Variants in HHAT observed in about 807,000 individuals in gnomAD.
The protein encoded by HHAT is protein-cysteine N-palmitoyltransferase HHAT.
A neutral mutation model predicts 70.8 loss-of-function variants in HHAT; 47 were observed. The observed-to-expected ratio is 0.66, with a 90% confidence interval of 0.53 to 0.85. The LOEUF is 0.85. HHAT is among the 40% of genes least tolerant of loss of function. HHAT has a pLI of 0.00. For missense variants in HHAT, 609 were observed against 604.8 expected, an observed-to-expected ratio of 1.01 and a Z score of -0.07; for synonymous variants, 228 against 247.6, an observed-to-expected ratio of 0.92 and a Z score of 0.74.
At chr1:210,538,440 T>C (rs1479022244) in intron 9 of HHAT, among the ~76,000 whole-genome samples, 1 of 151,932 alleles carries the variant, frequency 6.6e-6, no homozygotes, top group African/African-American at 2.4e-5. Context: ...GTGGCATATA[T>C]GAAATAAGAG....
At chr1:210,461,419 C>T (rs2093976788) in intron 7 of HHAT, among the ~76,000 whole-genome samples, 1 of 152,204 alleles carries the variant, frequency 6.6e-6, no homozygotes, top group Non-Finnish European at 1.5e-5. Flanking sequence ...CTGCCTCAGC[C>T]TCCTGAGTAG....
chr1:210,346,933 T>C (rs561436214), intron 1 of HHAT, among the ~76,000 whole-genome samples: 1 of 152,344 alleles, frequency 6.6e-6, no homozygotes, highest in Admixed American at 6.5e-5. Context: ...ATTGTACATA[T>C]TTATGGTGTA....
At chr1:210,463,781 G>C (rs1474071462) in intron 7 of HHAT, among the ~76,000 whole-genome samples, 1 of 152,190 alleles carries the variant, frequency 6.6e-6, no homozygotes, top group African/African-American at 2.4e-5. Context: ...GCTGTGCCTG[G>C]TGGTTCCAGT....
chr1:210,360,846 C>CTTTTTTTTTTTTTTTTTTTT (rs3036585), intron 2 of HHAT, among the ~76,000 whole-genome samples: 1 of 124,302 alleles, frequency 8.0e-6, no homozygotes, highest in African/African-American at 3.3e-5. Flanking sequence ...ATTAACTTCA[C>CTTTTTTTTTTTTTTTTTTTT]TTTTTTTTTT....
At chr1:210,549,671 C>A (rs914237697) in intron 9 of HHAT, among the ~76,000 whole-genome samples, 2 of 147,670 alleles carry the variant, frequency 1.4e-5, no homozygotes, top group African/African-American at 5.0e-5. Flanking sequence ...AATAATACAT[C>A]TCTGTTTACC....
intron 8 of HHAT, among the ~76,000 whole-genome samples, chr1:210,501,371 C>G (rs12057236): frequency 0.11 from 16,177 of 152,290 alleles, 976 homozygotes; most frequent in Non-Finnish European, 0.13. Flanking sequence ...GCAGCTTTGC[C>G]CTGCTTCATC....
At position 210,547,036 on chromosome 1, in the gene HHAT, A is replaced by T. The variant is rs76212424; in HGVS notation, c.1043+33848A>T. Among the ~76,000 whole-genome samples, 45 of 152,212 alleles carry T rather than the reference A, an allele frequency of 3.0e-4. No individual in the cohort carries two copies. The East Asian group carries it at 8.5e-3, about 29-fold the overall frequency. ...GATGGGCTGAAATGGAATAGAGAGA[A>T]TTAACAGGTTAGGCCGGGCATGGTG... On this transcript the variant is annotated intron_variant, in intron 9 of 11. Transcript: ENST00000261458.
intron 10 of HHAT, among the ~76,000 whole-genome samples, chr1:210,609,760 G>A (rs1333836594): frequency 1.3e-5 from 2 of 152,152 alleles, no homozygotes; most frequent in Non-Finnish European, 2.9e-5. Flanking sequence ...AGAACATGCG[G>A]TGCTTGGTTT....
chr1:210,327,598 C>T (rs954416068), upstream of HHAT, among the ~76,000 whole-genome samples: 11 of 152,028 alleles, frequency 7.2e-5, no homozygotes, highest in Admixed American at 1.3e-4. Flanking sequence ...CTCTGCCGCC[C>T]GGGTTCAAGC....
At chr1:210,518,762 C>G (rs2095103536) in intron 9 of HHAT, among the ~76,000 whole-genome samples, 1 of 152,180 alleles carries the variant, frequency 6.6e-6, no homozygotes, top group Non-Finnish European at 1.5e-5. Flanking sequence ...TACTGCACTC[C>G]AGCCCTGGGT....
At chr1:210,581,928 A>G (rs1187458551) in intron 9 of HHAT, among the ~76,000 whole-genome samples, 1 of 152,218 alleles carries the variant, frequency 6.6e-6, no homozygotes, top group African/African-American at 2.4e-5. Context: ...ATACACACGC[A>G]TACACATACA....
chr1:210,625,861 C>T (rs1669731167), intron 11 of HHAT, among the ~76,000 whole-genome samples: 1 of 152,208 alleles, frequency 6.6e-6, no homozygotes, highest in Non-Finnish European at 1.5e-5. Context: ...GCACCAGGTG[C>T]TCAAACATGT....
intron 9 of HHAT, among the ~76,000 whole-genome samples, chr1:210,516,568 A>G (rs1227463567): frequency 6.6e-6 from 1 of 152,176 alleles, no homozygotes; most frequent in Non-Finnish European, 1.5e-5. Flanking sequence ...TTCTCACTCT[A>G]TAATGGACAA....
At chr1:210,581,624 C>G (rs1159968933) in intron 9 of HHAT, among the ~76,000 whole-genome samples, 1 of 152,178 alleles carries the variant, frequency 6.6e-6, no homozygotes, top group African/African-American at 2.4e-5. Flanking sequence ...TGGAGTAGTT[C>G]CAGAGGTGTG....
chr1:210,387,680 C>G, intron 4 of HHAT, 99 bp downstream of exon 4: 5 of 806,398 alleles, frequency 6.2e-6, no homozygotes, highest in Non-Finnish European at 1.0e-5. Context: ...GATATTAGCA[C>G]TGGGAGCCTG....
At chr1:210,385,198 A>G (rs1419401787) in intron 3 of HHAT, among the ~76,000 whole-genome samples, 1 of 151,918 alleles carries the variant, frequency 6.6e-6, no homozygotes. Flanking sequence ...CATGAATTCT[A>G]AATGTAATTC....
At position 210,577,653 on chromosome 1, in the gene HHAT, TTTTTTTTTTTTC is replaced by T. The variant is rs1200574071; in HGVS notation, c.1044-10244_1044-10233del. Among the ~76,000 whole-genome samples the T allele has an allele frequency of 3.9e-3, 508 of 129,434 alleles. 26 individuals are homozygous for T. The highest frequency in any genetic ancestry group is 0.014 in the African/African-American group (455 of 31,516). The allele number at this position is 129,434 out of a possible 152,430, so 84.9% of individuals were successfully genotyped here. ...GCCTGTAGGATTTTTTTTTTTTTTT[TTTTTTTTTTTTC>T]GAAATGGAGTCTCACTCTGTCACCC... On this transcript the variant is annotated intron_variant, in intron 9 of 11. Coordinates refer to ENST00000261458, the MANE Select transcript of HHAT (RefSeq NM_018194.6).
At chr1:210,574,102 C>T (rs761268369) in intron 9 of HHAT, among the ~76,000 whole-genome samples, 11 of 152,066 alleles carry the variant, frequency 7.2e-5, no homozygotes, top group Admixed American at 1.3e-4. Flanking sequence ...GGTGAGGTAG[C>T]TCGGAAGTAC....
chr1:210,462,754 A>G, intron 7 of HHAT: 1 of 153,586 alleles, frequency 6.5e-6, no homozygotes, highest in Non-Finnish European at 1.4e-5. Flanking sequence ...CCCAAACTGT[A>G]TATTCAGAAA....
Sources: allele counts gnomAD v4.1 joint callset (sites outside exome capture counted in the v4.1 genomes callset), GRCh38; gene constraint gnomAD v4.1.1; transcripts MANE v1.5; gene names NCBI Gene and HGNC (gene_info 2026-07-23, HGNC 2026-07-21).